Variants in ZNF714 observed in about 807,000 individuals in gnomAD.
ZNF714 encodes zinc finger protein 714.
ZNF714 carries 32 observed loss-of-function variants against 46.2 expected under a neutral mutation model. That is an observed-to-expected ratio of 0.69 (90% CI 0.52 to 0.93). The LOEUF (loss-of-function observed/expected upper bound fraction) is 0.93. Ranked by LOEUF, ZNF714 falls within the 40% of genes least tolerant of loss-of-function variation. ZNF714 has a pLI of 0.00. For missense variants in ZNF714, 635 were observed against 646.3 expected (o/e 0.98, Z 0.19); for synonymous variants, 199 against 213.1 (o/e 0.93, Z 0.58).
At chr19:21,096,375 A>C (rs1334673039) in intron 2 of ZNF714, among the ~76,000 whole-genome samples, 1 of 152,148 alleles carries the variant, frequency 6.6e-6, no homozygotes, top group Non-Finnish European at 1.5e-5. Flanking sequence ...TTATCTGAAA[A>C]GGATTTCTAG....
intron 4 of ZNF714, among the ~76,000 whole-genome samples, chr19:21,105,026 C>CTT (rs34750232): frequency 0.023 from 3,010 of 129,706 alleles, 130 homozygotes; most frequent in Admixed American, 0.071. Flanking sequence ...TCATTTCTTT[C>CTT]TTTTTTTTTT....
intron 4 of ZNF714, among the ~76,000 whole-genome samples, chr19:21,103,710 A>G (rs1450097155): frequency 6.6e-6 from 1 of 152,172 alleles, no homozygotes. Context: ...AGCCTGGGCA[A>G]CATTCGGAGA....
At chr19:21,110,174 T>A (rs1347712930) in intron 4 of ZNF714, among the ~76,000 whole-genome samples, 3 of 152,238 alleles carry the variant, frequency 2.0e-5, no homozygotes, top group Non-Finnish European at 4.4e-5. Flanking sequence ...ATCGCCATAC[T>A]GGCTTTCACA....
intron 2 of ZNF714, among the ~76,000 whole-genome samples, chr19:21,097,025 C>A (rs576109887): frequency 6.6e-6 from 1 of 152,186 alleles, no homozygotes; most frequent in Admixed American, 6.5e-5. Context: ...CACCACCACA[C>A]CCGGCTAATT....
intron 1 of ZNF714, 24 bp from the exon 2 acceptor site, chr19:21,083,954 C>CT: frequency 8.1e-7 from 1 of 1,235,382 alleles, no homozygotes; most frequent in Non-Finnish European, 1.1e-6. Flanking sequence ...TGAATATCAG[C>CT]TTCTGGTTTA....
chr19:21,121,004 C>G lies in ZNF714; in HGVS notation c.*2672C>G, dbSNP rs1376668596. 6.6e-6 allele frequency: 1 copy of G among 152,134 alleles called. No homozygotes were observed. The highest frequency in any genetic ancestry group is 6.6e-5 in the Admixed American group (1 of 15,264). 9.4% of individuals were successfully genotyped at this position (152,134 alleles called of 1,614,324 possible). ...ATTTCTCCTTTGTTTTACAAACAAT[C>G]CAAACCTACACTTTTTAAAAATTTT... On this transcript the variant is annotated 3_prime_UTR_variant, in exon 5 of 5. Transcript: ENST00000456283.
rs368209168 is a variant in ZNF714 at position 21,093,532 on chromosome 19, G to GT, written c.-84-4644dup. ...CAGGCTGAGCCACCACGCCCAGCTT[G>GT]TTTTTTTTTGTTTTTGTTTTTTTGT... On this transcript the variant is annotated intron_variant, in intron 2 of 4. Coordinates refer to ENST00000456283, the MANE Select transcript of ZNF714 (RefSeq NM_182515.4). 7.4e-4 allele frequency among the ~76,000 whole-genome samples: 112 copies of GT among 150,502 alleles called. 1 individual carries two copies. The highest frequency in any genetic ancestry group is 2.2e-3 in the African/African-American group (89 of 41,026).
At chr19:21,107,198 G>A (rs1969340743) in intron 4 of ZNF714, among the ~76,000 whole-genome samples, 1 of 151,622 alleles carries the variant, frequency 6.6e-6, no homozygotes, top group Non-Finnish European at 1.5e-5. Flanking sequence ...GCGTTTGGCT[G>A]GTTATAGTTC....
chr19:21,098,240 G>A lies in ZNF714; in HGVS notation c.-29G>A. ...GAATTCTCTCTGGAGGAGTGGGAAT[G>A]CCTGAACCCTGCTCAGCAGAATTTA... On this transcript the variant is annotated 5_prime_UTR_variant, in exon 3 of 5. The change abolishes an upstream ATG in the 5' untranslated region. Transcript: ENST00000456283. The A allele has an allele frequency of 1.9e-6, 3 of 1,612,520 alleles. No homozygotes were observed. Among genetic ancestry groups the A allele is most frequent in the Non-Finnish European group, 1.7e-6 (2 of 1,179,756 alleles).
chr19:21,083,423 CTGATTT>C (rs1171767127), intron 1 of ZNF714, among the ~76,000 whole-genome samples: 1 of 152,152 alleles, frequency 6.6e-6, no homozygotes, highest in African/African-American at 2.4e-5. Flanking sequence ...CCATGGGGAA[CTGATTT>C]TCTGGTGCAT....
At position 21,121,789 on chromosome 19, in the gene ZNF714, C is replaced by A. The variant is rs1193758170; in HGVS notation, c.*3457C>A. 1.3e-5 allele frequency: 2 copies of A among 152,320 alleles called. No homozygotes were observed. The highest frequency in any genetic ancestry group is 2.4e-5 in the African/African-American group (1 of 41,570). 9.4% of individuals were successfully genotyped at this position (152,320 alleles called of 1,614,324 possible). ...ACAATCCATGACTTACAGTTCTGAA[C>A]CTTTTCATGCAAATTCTCTGTATAT... On this transcript the variant is annotated 3_prime_UTR_variant, in exon 5 of 5. Transcript: ENST00000456283.
intron 2 of ZNF714, among the ~76,000 whole-genome samples, chr19:21,087,554 G>A (rs182838967): frequency 1.3e-3 from 195 of 152,150 alleles, no homozygotes; most frequent in Non-Finnish European, 1.6e-3. Flanking sequence ...GTATTTGACC[G>A]TAAGGTAATA....
intron 4 of ZNF714, among the ~76,000 whole-genome samples, chr19:21,099,467 A>T (rs149515990): frequency 0.68 from 103,675 of 151,662 alleles, 39,666 homozygotes; most frequent in East Asian, 0.87. Context: ...AGTGTGAGCC[A>T]CCGTGCCCAG....
At chr19:21,088,400 A>G (rs540539609) in intron 2 of ZNF714, among the ~76,000 whole-genome samples, 1 of 152,286 alleles carries the variant, frequency 6.6e-6, no homozygotes, top group South Asian at 2.1e-4. Flanking sequence ...GGCTAATTCC[A>G]TATGTCCCAA....
rs1477954258 is a variant in ZNF714, at chr19:21,118,563, A to T, written c.*231A>T. On this transcript the variant is annotated 3_prime_UTR_variant, in exon 5 of 5. Transcript: ENST00000456283. ...TCGAACCTTTTTAAGAAAATAATTTATACTGGAGAGAAATTCTACAAATGT... is the reference window on the plus strand; with the variant it reads ...TCGAACCTTTTTAAGAAAATAATTTTTACTGGAGAGAAATTCTACAAATGT... The T allele has an allele frequency of 6.9e-6, 2 of 289,106 alleles. No homozygotes were observed. Among genetic ancestry groups the T allele is most frequent in the Non-Finnish European group, 1.4e-5 (2 of 147,946 alleles). 17.9% of individuals were successfully genotyped at this position (289,106 alleles called of 1,614,324 possible).
chr19:21,089,610 G>A (rs1968860530), intron 2 of ZNF714, among the ~76,000 whole-genome samples: 1 of 152,124 alleles, frequency 6.6e-6, no homozygotes, highest in Non-Finnish European at 1.5e-5. Flanking sequence ...TGGTCACAAG[G>A]TCAAGCGTCC....
rs759354644 is a variant in ZNF714, at chr19:21,098,211, C to T, written c.-58C>T. 4 of 1,612,052 alleles carry T rather than the reference C, an allele frequency of 2.5e-6. No individual in the cohort carries two copies. In the South Asian group the frequency reaches 3.3e-5, roughly 13 times the overall value. On this transcript the variant is annotated 5_prime_UTR_variant, in exon 3 of 5. Coordinates refer to ENST00000456283, the MANE Select transcript of ZNF714 (RefSeq NM_182515.4). Reference sequence around the variant, plus strand: ...AGACGTTGACATTTAGGGATGTGGCCATAGAATTCTCTCTGGAGGAGTGGG... The same window carrying T: ...AGACGTTGACATTTAGGGATGTGGCTATAGAATTCTCTCTGGAGGAGTGGG...
chr19:21,096,851 CATTT>C (rs111755749), intron 2 of ZNF714, among the ~76,000 whole-genome samples: 283 of 151,816 alleles, frequency 1.9e-3, no homozygotes, highest in African/African-American at 3.1e-3. Context: ...AACAGGATGG[CATTT>C]ATTTATTTAT....
Position 21,099,930 on chromosome 19 carries a change from A to G in ZNF714, c.142+1020A>G, listed in dbSNP as rs1391531768. On this transcript the variant is annotated intron_variant, in intron 4 of 4. Coordinates refer to ENST00000456283, the MANE Select transcript of ZNF714 (RefSeq NM_182515.4). Reference sequence around the variant, plus strand: ...GAGTGCAGTGGTGCAATCTCAGCTCACTGCAACCTCCACTTTCCGAGTTCA... The same window carrying G: ...GAGTGCAGTGGTGCAATCTCAGCTCGCTGCAACCTCCACTTTCCGAGTTCA... 4.6e-5 allele frequency among the ~76,000 whole-genome samples: 7 copies of G among 152,150 alleles called. No homozygotes were observed. The East Asian group carries it at 5.8e-4, about 13-fold the overall frequency.
Sources: gnomAD v4.1 joint callset for allele counts (sites outside exome capture counted in the v4.1 genomes callset) on GRCh38, gnomAD v4.1.1 for gene constraint, MANE v1.5 for transcripts, NCBI Gene and HGNC (gene_info 2026-07-23, HGNC 2026-07-21) for gene names.